FNBP1: variants seen among roughly 807,000 people sequenced by gnomAD.
FNBP1 encodes formin binding protein 1.
In FNBP1, 26 loss-of-function variants were observed where a neutral mutation model predicts 90.6. That is an observed-to-expected ratio of 0.29 (90% CI 0.21 to 0.40). The LOEUF (loss-of-function observed/expected upper bound fraction) is 0.40, where lower values mean the gene tolerates loss of function less well. Ranked by LOEUF, FNBP1 falls within the 10% of genes least tolerant of loss-of-function variation. The pLI, the probability that FNBP1 is intolerant of heterozygous loss-of-function variation, is 1.00. For synonymous variants in FNBP1, 260 were observed against 265.2 expected (o/e 0.98, Z 0.19); for missense variants, 635 against 768.0 (o/e 0.83, Z 2.05).
At chr9:129,935,121 ATTTTTT>A (rs11410932) in intron 6 of FNBP1, among the ~76,000 whole-genome samples, 63 of 127,060 alleles carry the variant, frequency 5.0e-4, no homozygotes, top group African/African-American at 1.8e-3. Flanking sequence ...TGTTTAGCTC[ATTTTTT>A]TTTTTTTTTT....
At chr9:129,892,496 C>T (rs1335872607) in intron 16 of FNBP1, among the ~76,000 whole-genome samples, 1 of 151,728 alleles carries the variant, frequency 6.6e-6, no homozygotes, top group Non-Finnish European at 1.5e-5. Flanking sequence ...TTGCCCACAT[C>T]AGATGGGTTG....
chr9:130,043,371 G>A (rs1004264943), upstream of FNBP1, among the ~76,000 whole-genome samples: 2 of 152,120 alleles, frequency 1.3e-5, no homozygotes, highest in Non-Finnish European at 2.9e-5. Context: ...GGAGGGAGGT[G>A]TGAGGGACGG....
intron 10 of FNBP1, among the ~76,000 whole-genome samples, chr9:129,919,780 T>G (rs1034232741): frequency 6.6e-6 from 1 of 152,256 alleles, no homozygotes; most frequent in Non-Finnish European, 1.5e-5. Flanking sequence ...AGATTTGTTA[T>G]TCTCTCAGGA....
intron 4 of FNBP1, among the ~76,000 whole-genome samples, chr9:129,967,273 T>C (rs970413225): frequency 6.6e-6 from 1 of 152,272 alleles, no homozygotes; most frequent in Middle Eastern, 3.4e-3. Flanking sequence ...CCCAGCACTA[T>C]GGGAGGCAAA....
At chr9:129,951,969 A>G (rs771367989) in intron 6 of FNBP1, among the ~76,000 whole-genome samples, 30 of 151,280 alleles carry the variant, frequency 2.0e-4, no homozygotes, top group Non-Finnish European at 3.8e-4. Flanking sequence ...AGGCGGGAGG[A>G]TCACCTGAAG....
chr9:130,028,656 T>C (rs1289789383), intron 1 of FNBP1, among the ~76,000 whole-genome samples: 32 of 152,196 alleles, frequency 2.1e-4, no homozygotes, highest in Non-Finnish European at 1.3e-4. Flanking sequence ...GTTCACACAA[T>C]GGTTCTCAGT....
chr9:130,001,263 C>T (rs1187062767), intron 1 of FNBP1, among the ~76,000 whole-genome samples: 1 of 141,002 alleles, frequency 7.1e-6, no homozygotes, highest in Non-Finnish European at 1.5e-5. Context: ...ACCCGGGAGG[C>T]GGAGGTTGCA....
At chr9:129,976,816 C>G (rs2050386101) in intron 4 of FNBP1, among the ~76,000 whole-genome samples, 1 of 152,078 alleles carries the variant, frequency 6.6e-6, no homozygotes, top group Non-Finnish European at 1.5e-5. Context: ...AATGTCTCCT[C>G]CATTTCAGCA....
In FNBP1 at chr9:129,957,855, A is replaced by T. The variant is rs112735424; in HGVS notation, c.409-391T>A. On this transcript the variant is annotated intron_variant, in intron 5 of 16. Coordinates refer to ENST00000446176, the MANE Select transcript of FNBP1 (RefSeq NM_015033.3). This position sits in a 1 kb window ranked among gnomAD's most constrained non-coding sequence, Gnocchi z 4.3. ...GGCGTGAGCCAATGTGTCTGGCCCA[A>T]GAATACTCTTCTCTGAATTGATTTC... 0.012 allele frequency among the ~76,000 whole-genome samples: 1,889 copies of T among 152,292 alleles called. 15 individuals carry two copies. The highest frequency in any genetic ancestry group is 0.02 in the Middle Eastern group (6 of 294).
At chr9:130,046,744 T>C (rs887672112), upstream of FNBP1, among the ~76,000 whole-genome samples, 7 of 144,144 alleles carry the variant, frequency 4.9e-5, no homozygotes, top group African/African-American at 1.8e-4. Context: ...CTCCAGCCAC[T>C]GTACTCCGGC....
intron 6 of FNBP1, among the ~76,000 whole-genome samples, chr9:129,943,489 C>T (rs567078433): frequency 2.7e-5 from 4 of 147,906 alleles, no homozygotes; most frequent in Admixed American, 7.0e-5. Context: ...CAGCTTCAAG[C>T]GATTCTCCTG....
At chr9:129,895,396 GTAACCACC>G in intron 16 of FNBP1, 1 of 1,087,194 alleles carries the variant, frequency 9.2e-7, no homozygotes, top group Non-Finnish European at 1.1e-6. Context: ...GTTACAATCT[GTAACCACC>G]TAATGTAGCT....
At chr9:129,979,632 A>C (rs1432698414) in intron 2 of FNBP1, among the ~76,000 whole-genome samples, 1 of 152,140 alleles carries the variant, frequency 6.6e-6, no homozygotes, top group South Asian at 2.1e-4. Flanking sequence ...ACCATGTGTA[A>C]ATATGCAGTG....
In FNBP1 at chr9:129,888,028, G is replaced by A. The variant is rs1239726762; in HGVS notation, c.*2511C>T. 6 of 232,570 alleles carry A rather than the reference G, an allele frequency of 2.6e-5. No individual in the cohort carries two copies. Among genetic ancestry groups the A allele is most frequent in the East Asian group, 1.2e-4 (2 of 16,502 alleles). 14.4% of individuals were successfully genotyped at this position (232,570 alleles called of 1,614,324 possible). ...TTCATGGAGCCACGCAGACTGGCCC[G>A]GAAGCAACACCCAGGTTCAACATTT... On this transcript the variant is annotated 3_prime_UTR_variant, in exon 17 of 17. Transcript: ENST00000446176.
At position 129,907,308 on chromosome 9, in the gene FNBP1, G is replaced by A. The variant is rs1463463896; in HGVS notation, c.1295+1582C>T. Among the ~76,000 whole-genome samples, 5 of 152,182 alleles carry A rather than the reference G, an allele frequency of 3.3e-5. No individual in the cohort carries two copies. The South Asian group carries it at 6.2e-4, about 19-fold the overall frequency. On this transcript the variant is annotated intron_variant, in intron 12 of 16. Coordinates refer to ENST00000446176, the MANE Select transcript of FNBP1 (RefSeq NM_015033.3). The stretch of plus-strand genomic sequence containing the variant: ...TGAGAATATCTTTTAATTGAAACAC[G>A]TAGTTTGTTTACCTTTAACATATTG...
chr9:130,038,903 T>C (rs1175688073), intron 1 of FNBP1, among the ~76,000 whole-genome samples: 1 of 152,178 alleles, frequency 6.6e-6, no homozygotes, highest in Non-Finnish European at 1.5e-5. Flanking sequence ...AATTTTCCAA[T>C]GGATTTATTC....
At position 129,994,823 on chromosome 9, in the gene FNBP1, C is replaced by A; in HGVS notation, c.140+20G>T. Reference sequence around the variant, plus strand: ...CATCATTTTGCAGTTAACAAATAACCTTTTTCAATATCAACTTACCTGAGT... The same window carrying A: ...CATCATTTTGCAGTTAACAAATAACATTTTTCAATATCAACTTACCTGAGT... On this transcript the variant is annotated intron_variant, in intron 2 of 16. Transcript: ENST00000446176. The A allele has an allele frequency of 8.4e-7, 1 of 1,194,522 alleles. No individual in the cohort carries two copies. The highest frequency in any genetic ancestry group is 1.2e-6 in the Non-Finnish European group (1 of 810,758). 74.0% of individuals were successfully genotyped at this position (1,194,522 alleles called of 1,614,324 possible). A position where few individuals can be genotyped will look rare whatever the true frequency, so the allele number is the denominator to read the frequency against.
intron 8 of FNBP1, among the ~76,000 whole-genome samples, chr9:129,926,116 G>C (rs2041871107): frequency 6.6e-6 from 1 of 151,076 alleles, no homozygotes; most frequent in African/African-American, 2.4e-5. Context: ...GGACTACAGG[G>C]GCATACCACC....
chr9:129,971,881 G>A (rs1190835655), intron 4 of FNBP1, among the ~76,000 whole-genome samples: 5 of 152,188 alleles, frequency 3.3e-5, no homozygotes, highest in Non-Finnish European at 7.3e-5. Context: ...AACCAGTATT[G>A]TCCACTGAAC....
Sources: gnomAD v4.1 joint callset for allele counts (sites outside exome capture counted in the v4.1 genomes callset) on GRCh38, gnomAD v4.1.1 for gene constraint, Gnocchi (gnomAD v3.1) non-coding constraint, MANE v1.5 for transcripts, NCBI Gene and HGNC (gene_info 2026-07-23, HGNC 2026-07-21) for gene names.